Variants in PSMB3 observed in about 807,000 individuals in gnomAD.
PSMB3 encodes proteasome 20S subunit beta 3.
PSMB3 carries 5 observed loss-of-function variants against 23.3 expected under a neutral mutation model. The ratio of observed to expected loss-of-function variants is 0.21; its 90% confidence interval spans 0.11 to 0.45. The LOEUF is 0.45. Ranked by LOEUF, PSMB3 falls within the 20% of genes least tolerant of loss-of-function variation. The pLI is 0.99. For synonymous variants in PSMB3, 85 were observed against 99.8 expected (o/e 0.85, Z 0.88); for missense variants, 192 against 277.9 (o/e 0.69, Z 2.20).
chr17:38,758,190 G>A (rs1007788133), intron 3 of PSMB3, among the ~76,000 whole-genome samples: 1 of 152,072 alleles, frequency 6.6e-6, no homozygotes, highest in African/African-American at 2.4e-5. Context: ...GCCTCAGCCT[G>A]TCCTGCCAGA....
intron 3 of PSMB3, among the ~76,000 whole-genome samples, chr17:38,758,397 T>G (rs1174096504): frequency 6.6e-6 from 1 of 152,142 alleles, no homozygotes; most frequent in Non-Finnish European, 1.5e-5. Flanking sequence ...TGGAGTGCAG[T>G]GGTGCGATCA....
At chr17:38,757,023 A>C (rs1266812762) in intron 3 of PSMB3, among the ~76,000 whole-genome samples, 15 of 134,868 alleles carry the variant, frequency 1.1e-4, no homozygotes, top group African/African-American at 4.2e-4. Context: ...GTGTGCCATC[A>C]CACCTGGCTA....
At chr17:38,755,678 ATATATGTGTGTGTGTG>A (rs1908154252) in intron 2 of PSMB3, among the ~76,000 whole-genome samples, 189 bp from the exon 3 acceptor site, 1 of 107,094 alleles carries the variant, frequency 9.3e-6, no homozygotes, top group African/African-American at 3.8e-5. Flanking sequence ...ATATATATAT[ATATATGTGTGTGTGTG>A]TGTGTGTGTG....
At chr17:38,758,727 T>C (rs1244656939) in intron 3 of PSMB3, among the ~76,000 whole-genome samples, 1 of 152,214 alleles carries the variant, frequency 6.6e-6, no homozygotes, top group Non-Finnish European at 1.5e-5. Flanking sequence ...TTTAGAGCTA[T>C]AACTGAAGAT....
chr17:38,763,659 T>C (rs1434536272), intron 5 of PSMB3, among the ~76,000 whole-genome samples: 1 of 151,782 alleles, frequency 6.6e-6, no homozygotes, highest in East Asian at 2.0e-4. Context: ...CGTGCCACCA[T>C]GCCCAGCTAA....
rs1908476549 is a variant in PSMB3 at position 38,762,322 on chromosome 17, A to C, written c.475-89A>C. 5.4e-6 allele frequency: 6 copies of C among 1,103,920 alleles called. No individual in the cohort carries two copies. In the Admixed American group the frequency reaches 1.1e-4, roughly 20 times the overall value. The allele number at this position is 1,103,920 out of a possible 1,614,324, so 68.4% of individuals were successfully genotyped here. A position where few individuals can be genotyped will look rare whatever the true frequency, so the allele number is the denominator to read the frequency against. On this transcript the variant is annotated intron_variant, in intron 4 of 5. Transcript: ENST00000619426. ...GGCATGTCTTGGGGCCAGAGCTGGG[A>C]ATCTTGAGCCTAGAAAAAAGAGAGT...
chr17:38,754,224 C>T (rs981577912), intron 2 of PSMB3, among the ~76,000 whole-genome samples: 1 of 152,138 alleles, frequency 6.6e-6, no homozygotes. Flanking sequence ...AATCCCAACA[C>T]TTTGGGAGGC....
At chr17:38,753,361 C>G in intron 2 of PSMB3, 27 bp downstream of exon 2, 1 of 1,603,750 alleles carries the variant, frequency 6.2e-7, no homozygotes, top group South Asian at 1.1e-5. Context: ...CCCGCCCACA[C>G]CCAGGCCTCT....
In PSMB3 at chr17:38,757,231, A is replaced by ATGGCTTGC. The variant is rs561837053; in HGVS notation, c.296+1245_296+1252dup. Reference sequence around the variant, plus strand: ...TAACTCATATTTGGATGTATATTAAATGGCTTGCTGGGCGTGGTGGCTCAT... The same window carrying ATGGCTTGC: ...TAACTCATATTTGGATGTATATTAAATGGCTTGCTGGCTTGCTGGGCGTGGTGGCTCAT... On this transcript the variant is annotated intron_variant, in intron 3 of 5. Coordinates refer to ENST00000619426, the MANE Select transcript of PSMB3 (RefSeq NM_002795.4). Among the ~76,000 whole-genome samples the ATGGCTTGC allele has an allele frequency of 5.8e-4, 87 of 150,862 alleles. 1 individual carries two copies. In the East Asian group the frequency reaches 0.012, roughly 20 times the overall value.
At chr17:38,763,259 AAGG>A (rs1908520735) in intron 5 of PSMB3, among the ~76,000 whole-genome samples, 1 of 151,832 alleles carries the variant, frequency 6.6e-6, no homozygotes, top group Non-Finnish European at 1.5e-5. Context: ...GAGGCTGAGG[AAGG>A]AGAATTGCTT....
intron 3 of PSMB3, among the ~76,000 whole-genome samples, chr17:38,758,118 T>A (rs1283460476): frequency 6.6e-6 from 1 of 152,114 alleles, no homozygotes; most frequent in Non-Finnish European, 1.5e-5. Flanking sequence ...GGTGCGTAGA[T>A]GGTATCTCTG....
Position 38,762,213 on chromosome 17 carries a change from C to A in PSMB3, c.475-198C>A, listed in dbSNP as rs1003091212. ...GAAATTCAGGGCTTGAAGTCTCTTTCACTTTCCTTTACATAATTCTGCTTC... is the reference window on the plus strand; with the variant it reads ...GAAATTCAGGGCTTGAAGTCTCTTTAACTTTCCTTTACATAATTCTGCTTC... On this transcript the variant is annotated intron_variant, in intron 4 of 5. Transcript: ENST00000619426. 4.7e-5 allele frequency: 26 copies of A among 553,704 alleles called. No homozygotes were observed. The African/African-American group carries it at 4.7e-4, about 10-fold the overall frequency. The allele number at this position is 553,704 out of a possible 1,614,324, so 34.3% of individuals were successfully genotyped here.
intron 3 of PSMB3, among the ~76,000 whole-genome samples, chr17:38,757,934 A>C (rs1234209092): frequency 2.6e-5 from 4 of 152,098 alleles, no homozygotes; most frequent in Admixed American, 2.6e-4. Context: ...GATTACAAGC[A>C]TGAACCACTG....
At position 38,752,781 on chromosome 17, in the gene PSMB3, T is replaced by C. The variant is rs1229468038; in HGVS notation, c.-46T>C. On this transcript the variant is annotated 5_prime_UTR_variant, in exon 1 of 6. Coordinates refer to ENST00000619426, the MANE Select transcript of PSMB3 (RefSeq NM_002795.4). The surrounding 1 kb of genome is among the most constrained non-coding windows in gnomAD (Gnocchi z 5.5). ...TGCGCAGTGAAGGCTAGACCCGGTTTACTGGAATTGCTCTGGCGATCGAGG... is the reference window on the plus strand; with the variant it reads ...TGCGCAGTGAAGGCTAGACCCGGTTCACTGGAATTGCTCTGGCGATCGAGG... 2 of 1,613,544 alleles carry C rather than the reference T, an allele frequency of 1.2e-6. No individual in the cohort carries two copies. The highest frequency in any genetic ancestry group is 1.7e-6 in the Non-Finnish European group (2 of 1,179,568).
At chr17:38,758,170 G>A (rs1908288411) in intron 3 of PSMB3, among the ~76,000 whole-genome samples, 2 of 152,094 alleles carry the variant, frequency 1.3e-5, no homozygotes, top group South Asian at 4.2e-4. Flanking sequence ...GCTCAGGTTT[G>A]CAGTTCAATG....
rs774478363 is a variant in PSMB3 at position 38,760,533 on chromosome 17, T to A, written c.399T>A (p.Thr133=). 1 of 1,614,268 alleles carries A rather than the reference T, an allele frequency of 6.2e-7. No individual in the cohort carries two copies. Among genetic ancestry groups the A allele is most frequent in the African/African-American group, 1.3e-5 (1 of 75,070 alleles). Residue 133 remains threonine, a synonymous_variant, in exon 4 of 6, where the codon ACT becomes ACA. Transcript: ENST00000619426. ...ACCTCATCGGCTGCCCCATGGTGAC[T>A]GATGACTTTGTGGTCAGTGGCACCT... ...SLDLIGCPMV[T]DDFVVSGTCA...
intron 4 of PSMB3, 50 bp from the exon 5 acceptor site, chr17:38,762,361 C>A: frequency 6.5e-7 from 1 of 1,528,828 alleles, no homozygotes; most frequent in Non-Finnish European, 9.1e-7. Context: ...GGGACCAGAC[C>A]AAATCAGAGC....
intron 4 of PSMB3, among the ~76,000 whole-genome samples, chr17:38,761,038 A>G (rs931908375): frequency 5.9e-5 from 9 of 152,100 alleles, no homozygotes; most frequent in African/African-American, 2.2e-4. Flanking sequence ...ATGAGGATAA[A>G]AAAGTCTGCC....
At chr17:38,759,799 G>A (rs1008178644) in intron 3 of PSMB3, among the ~76,000 whole-genome samples, 10 of 152,094 alleles carry the variant, frequency 6.6e-5, no homozygotes, top group African/African-American at 1.4e-4. Context: ...CACCCACCTC[G>A]GCCTCCCAAA....
Sources: gnomAD v4.1 joint callset for allele counts (sites outside exome capture counted in the v4.1 genomes callset) on GRCh38, gnomAD v4.1.1 for gene constraint, Gnocchi (gnomAD v3.1) non-coding constraint, MANE v1.5 for transcripts, NCBI Gene and HGNC (gene_info 2026-07-23, HGNC 2026-07-21) for gene names.